The following MYT1L variants were observed in gnomAD, a reference collection of about 807,000 sequenced individuals.
The protein encoded by MYT1L is myelin transcription factor 1 like.
MYT1L carries 12 observed loss-of-function variants against 126.7 expected under a neutral mutation model. The observed-to-expected ratio is 0.09, with a 90% CI of 0.06 to 0.15. MYT1L has a LOEUF of 0.15. Among genes scored for constraint, MYT1L ranks in the 10% least tolerant of loss-of-function variants. MYT1L has a pLI of 1.00. For missense variants in MYT1L, 979 were observed against 1,585.2 expected, an observed-to-expected ratio of 0.62 and a Z score of 6.49; for synonymous variants, 541 against 604.2, an observed-to-expected ratio of 0.90 and a Z score of 1.53.
intron 4 of MYT1L, among the ~76,000 whole-genome samples, chr2:1,998,123 G>A (rs1318504668): frequency 2.6e-5 from 4 of 152,166 alleles, no homozygotes; most frequent in Non-Finnish European, 5.9e-5. Flanking sequence ...TTTGAGTCTC[G>A]CCACTAGGTC....
intron 18 of MYT1L, among the ~76,000 whole-genome samples, chr2:1,879,786 A>G (rs1209831688): frequency 2.6e-5 from 4 of 152,188 alleles, no homozygotes; most frequent in African/African-American, 4.8e-5. Flanking sequence ...AAGTTAAAAA[A>G]TCAATGTATT....
chr2:1,824,788 C>T (rs2148188589), intron 21 of MYT1L: 1 of 152,340 alleles, frequency 6.6e-6, no homozygotes, highest in South Asian at 2.1e-4. Context: ...ATAATTTGTT[C>T]TTCTTATGCA....
chr2:2,151,596 GA>G (rs746239553), intron 3 of MYT1L, among the ~76,000 whole-genome samples: 55 of 152,310 alleles, frequency 3.6e-4, no homozygotes, highest in Non-Finnish European at 6.0e-4. Flanking sequence ...GTTCATGGGG[GA>G]TATGTTCCAA....
chr2:2,074,718 T>C (rs1486095341), intron 3 of MYT1L, among the ~76,000 whole-genome samples: 2 of 152,146 alleles, frequency 1.3e-5, no homozygotes, highest in Non-Finnish European at 2.9e-5. Flanking sequence ...TGGACTGAGA[T>C]GAAACAGCCC....
intron 3 of MYT1L, among the ~76,000 whole-genome samples, chr2:2,096,723 C>T (rs952728971): frequency 1.3e-4 from 20 of 152,240 alleles, no homozygotes; most frequent in Admixed American, 2.6e-4. Context: ...AGTTATCCTA[C>T]CCCCAGCTCA....
At chr2:2,149,277 G>C (rs1036042022) in intron 3 of MYT1L, among the ~76,000 whole-genome samples, 20 of 152,292 alleles carry the variant, frequency 1.3e-4, no homozygotes, top group Middle Eastern at 3.4e-3. Flanking sequence ...TTTAAAACCA[G>C]CGGAAAAGAA....
chr2:2,032,444 G>C (rs1159213405), intron 4 of MYT1L, among the ~76,000 whole-genome samples: 1 of 96,622 alleles, frequency 1.0e-5, no homozygotes, highest in Non-Finnish European at 2.0e-5. Flanking sequence ...CTCATCCTGT[G>C]GCCCAGAGCA....
intron 2 of MYT1L, among the ~76,000 whole-genome samples, chr2:2,173,576 T>G (rs531152699): frequency 6.6e-6 from 1 of 152,224 alleles, no homozygotes; most frequent in Non-Finnish European, 1.5e-5. Flanking sequence ...TTAGAAACCA[T>G]TGACTGTTTT....
chr2:2,158,363 GT>G (rs992536894), intron 3 of MYT1L, among the ~76,000 whole-genome samples: 3 of 152,210 alleles, frequency 2.0e-5, no homozygotes, highest in Non-Finnish European at 4.4e-5. Context: ...GAAACAGTGT[GT>G]TTGGCATGCA....
chr2:2,046,579 T>C (rs1472194200), intron 4 of MYT1L, among the ~76,000 whole-genome samples: 1 of 152,176 alleles, frequency 6.6e-6, no homozygotes, highest in Non-Finnish European at 1.5e-5. Context: ...ATAAATACTG[T>C]GATTATTCCT....
At chr2:1,849,568 G>C in intron 19 of MYT1L, among the ~76,000 whole-genome samples, 1 of 152,242 alleles carries the variant, frequency 6.6e-6, no homozygotes, top group East Asian at 1.9e-4. Context: ...AGGGGTGGAT[G>C]CTCCTGGCAT....
chr2:2,126,421 C>A (rs529844293), intron 3 of MYT1L, among the ~76,000 whole-genome samples: 2 of 152,280 alleles, frequency 1.3e-5, no homozygotes, highest in South Asian at 2.1e-4. Flanking sequence ...CATGTGTTCA[C>A]CACCACCCCT....
chr2:2,041,327 T>C (rs781654464), intron 4 of MYT1L, among the ~76,000 whole-genome samples: 2 of 152,080 alleles, frequency 1.3e-5, no homozygotes, highest in African/African-American at 2.4e-5. Context: ...TTGAAGGAAA[T>C]TGCCTTCTTT....
At chr2:2,274,046 G>A (rs2095314444) in intron 2 of MYT1L, among the ~76,000 whole-genome samples, 1 of 151,910 alleles carries the variant, frequency 6.6e-6, no homozygotes, top group Non-Finnish European at 1.5e-5. Flanking sequence ...GAAACAAAAA[G>A]GAGAAAGGTA....
At chr2:2,038,110 C>A (rs1262230088) in intron 4 of MYT1L, among the ~76,000 whole-genome samples, 1 of 152,290 alleles carries the variant, frequency 6.6e-6, no homozygotes, top group South Asian at 2.1e-4. Flanking sequence ...AGGACCGGGA[C>A]TACAATACGT....
At chr2:1,939,544 T>C (rs984916664) in intron 9 of MYT1L, among the ~76,000 whole-genome samples, 4 of 152,234 alleles carry the variant, frequency 2.6e-5, no homozygotes, top group East Asian at 1.9e-4. Flanking sequence ...CATTTGTTGA[T>C]AGTGATTTTG....
At chr2:2,240,058 G>C (rs999968030) in intron 2 of MYT1L, among the ~76,000 whole-genome samples, 4 of 152,160 alleles carry the variant, frequency 2.6e-5, no homozygotes, top group Non-Finnish European at 5.9e-5. Context: ...AGCACTTTTG[G>C]AGGCCGAGGT....
intron 14 of MYT1L, among the ~76,000 whole-genome samples, chr2:1,898,757 C>T (rs1178722065): frequency 6.6e-6 from 1 of 152,192 alleles, no homozygotes; most frequent in Non-Finnish European, 1.5e-5. Flanking sequence ...GAAAACTTCA[C>T]CAGGGAGCGG....
intron 22 of MYT1L, among the ~76,000 whole-genome samples, chr2:1,805,025 A>G (rs1432000668): frequency 6.6e-6 from 1 of 152,198 alleles, no homozygotes; most frequent in African/African-American, 2.4e-5. Context: ...AGAGGCATAC[A>G]GTGAACTTCT....
Sources: allele counts gnomAD v4.1 joint callset (sites outside exome capture counted in the v4.1 genomes callset), GRCh38; gene constraint gnomAD v4.1.1; transcripts MANE v1.5; gene names NCBI Gene and HGNC (gene_info 2026-07-23, HGNC 2026-07-21).